The following BMPR1B variants were observed in gnomAD, a reference collection of about 807,000 sequenced individuals.
BMPR1B encodes bone morphogenetic protein receptor type-1B.
BMPR1B carries 12 observed loss-of-function variants against 59.1 expected under a neutral mutation model. That is an observed-to-expected ratio of 0.20 (90% CI 0.13 to 0.33). The LOEUF (loss-of-function observed/expected upper bound fraction) is 0.33, where lower values mean the gene tolerates loss of function less well. BMPR1B is among the 10% of genes least tolerant of loss of function. BMPR1B has a pLI of 1.00. For missense variants in BMPR1B, 550 were observed against 610.9 expected, an observed-to-expected ratio of 0.90 and a Z score of 1.05; for synonymous variants, 237 against 207.3, an observed-to-expected ratio of 1.14 and a Z score of -1.23.
chr4:94,954,574 G>A (rs573365679), intron 2 of BMPR1B, among the ~76,000 whole-genome samples: 3 of 152,196 alleles, frequency 2.0e-5, no homozygotes, highest in Admixed American at 6.5e-5. Flanking sequence ...AAAGAGACTA[G>A]TTAAGCATAA....
chr4:94,982,911 G>A (rs1005683387), intron 2 of BMPR1B, among the ~76,000 whole-genome samples: 1 of 152,034 alleles, frequency 6.6e-6, no homozygotes, highest in Non-Finnish European at 1.5e-5. Context: ...CATGAACCCG[G>A]GAGGCGGAGA....
At chr4:95,109,482 G>A (rs936987681) in intron 4 of BMPR1B, among the ~76,000 whole-genome samples, 13 of 152,182 alleles carry the variant, frequency 8.5e-5, no homozygotes, top group South Asian at 2.1e-4. Context: ...GCTCCTGACC[G>A]TAGGTCTCAG....
intron 1 of BMPR1B, among the ~76,000 whole-genome samples, chr4:94,875,265 T>G (rs1726675241): frequency 1.3e-5 from 2 of 152,204 alleles, no homozygotes; most frequent in African/African-American, 4.8e-5. Flanking sequence ...GTTAGAACTT[T>G]GAGGTGTTCT....
At chr4:95,132,486 A>T (rs760161648) in intron 10 of BMPR1B, among the ~76,000 whole-genome samples, 9 of 152,138 alleles carry the variant, frequency 5.9e-5, no homozygotes, top group African/African-American at 1.9e-4. Flanking sequence ...GGTCTTCACC[A>T]TGTAAAGGAT....
intron 1 of BMPR1B, among the ~76,000 whole-genome samples, chr4:94,790,812 CTT>C (rs1314665893): frequency 1.3e-5 from 2 of 152,070 alleles, no homozygotes; most frequent in African/African-American, 2.4e-5. Context: ...TTTTTTACCT[CTT>C]GTTATTTTTA....
chr4:95,049,211 TA>T (rs1266839817), intron 3 of BMPR1B, among the ~76,000 whole-genome samples: 1 of 151,890 alleles, frequency 6.6e-6, no homozygotes, highest in Admixed American at 6.6e-5. Context: ...ACTCCTGGCC[TA>T]AAAAAATCCT....
chr4:94,887,383 C>T (rs1727215382), intron 2 of BMPR1B, among the ~76,000 whole-genome samples: 1 of 141,224 alleles, frequency 7.1e-6, no homozygotes, highest in Admixed American at 7.1e-5. Context: ...GGAAATACCA[C>T]CTTCACCCCC....
intron 3 of BMPR1B, chr4:95,051,700 A>G (rs576978706): frequency 8.0e-5 from 123 of 1,535,568 alleles, no homozygotes; most frequent in Middle Eastern, 1.7e-4. Flanking sequence ...TGCTGCTGCA[A>G]TGGGTTGGCT....
At chr4:94,772,414 A>G (rs1201401016) in intron 1 of BMPR1B, among the ~76,000 whole-genome samples, 4 of 152,206 alleles carry the variant, frequency 2.6e-5, no homozygotes, top group African/African-American at 4.8e-5. Flanking sequence ...GATTAAACAC[A>G]TATTTTACAT....
chr4:94,895,493 T>C (rs1727551615), intron 2 of BMPR1B, among the ~76,000 whole-genome samples: 1 of 151,952 alleles, frequency 6.6e-6, no homozygotes, highest in Non-Finnish European at 1.5e-5. Context: ...GCACTTCAGC[T>C]CTGTTGTTAA....
chr4:95,028,305 A>G (rs1459819196), intron 3 of BMPR1B, among the ~76,000 whole-genome samples: 3 of 152,200 alleles, frequency 2.0e-5, no homozygotes, highest in Non-Finnish European at 4.4e-5. Flanking sequence ...CAAAAGCCCT[A>G]TGTGAACTGT....
chr4:94,863,416 C>A (rs1022199521), intron 1 of BMPR1B, among the ~76,000 whole-genome samples: 2 of 152,128 alleles, frequency 1.3e-5, no homozygotes, highest in Non-Finnish European at 2.9e-5. Flanking sequence ...GTATATCAGT[C>A]GAGGGTAGTC....
intron 10 of BMPR1B, among the ~76,000 whole-genome samples, chr4:95,144,255 A>G (rs1379849800): frequency 2.6e-5 from 4 of 151,970 alleles, no homozygotes; most frequent in South Asian, 2.1e-4. Flanking sequence ...GCTCACTGCA[A>G]CCTCTGCCTC....
chr4:95,023,112 A>G (rs1165991577), intron 3 of BMPR1B, among the ~76,000 whole-genome samples: 2 of 152,154 alleles, frequency 1.3e-5, no homozygotes, highest in Non-Finnish European at 2.9e-5. Context: ...TCCCATTTCC[A>G]GTGTAAAGCC....
chr4:95,152,934 T>C (rs1351742722), intron 12 of BMPR1B, among the ~76,000 whole-genome samples, 161 bp downstream of exon 12: 1 of 152,220 alleles, frequency 6.6e-6, no homozygotes, highest in Non-Finnish European at 1.5e-5. Flanking sequence ...TGTAGTATGT[T>C]AAATTACTTG....
chr4:95,155,730 GAAAA>G lies in BMPR1B; in HGVS notation c.*1060_*1063del, dbSNP rs754434665. On this transcript the variant is annotated 3_prime_UTR_variant, in exon 13 of 13. Coordinates refer to ENST00000515059, the MANE Select transcript of BMPR1B (RefSeq NM_001203.3). ...AAGGAGCCAATCTCAGAAGCACAAAGAAAAAAGTGTGCATACCTTATTTTGTACA... is the reference window on the plus strand; with the variant it reads ...AAGGAGCCAATCTCAGAAGCACAAAGAAGTGTGCATACCTTATTTTGTACA... The G allele has an allele frequency of 1.3e-5, 2 of 151,788 alleles. No individual in the cohort carries two copies. The highest frequency in any genetic ancestry group is 2.9e-5 in the Non-Finnish European group (2 of 67,942). 9.4% of individuals were successfully genotyped at this position (151,788 alleles called of 1,614,324 possible). A position where few individuals can be genotyped will look rare whatever the true frequency, so the allele number is the denominator to read the frequency against.
At chr4:94,858,772 T>A (rs1725867741) in intron 1 of BMPR1B, among the ~76,000 whole-genome samples, 2 of 152,196 alleles carry the variant, frequency 1.3e-5, no homozygotes, top group African/African-American at 4.8e-5. Context: ...TGTGTGCATG[T>A]GTATGTGTGT....
chr4:95,077,846 A>C (rs1458767445), intron 3 of BMPR1B, among the ~76,000 whole-genome samples: 31 of 152,236 alleles, frequency 2.0e-4, no homozygotes, highest in Admixed American at 1.8e-3. Context: ...ATGTAATGCA[A>C]ATATAGAATA....
intron 3 of BMPR1B, among the ~76,000 whole-genome samples, chr4:95,041,611 C>CTTT (rs71583682): frequency 6.9e-6 from 1 of 145,478 alleles, no homozygotes. Context: ...ACTGAATGGA[C>CTTT]TTTTTTTTTT....
Sources: allele counts gnomAD v4.1 joint callset (sites outside exome capture counted in the v4.1 genomes callset), GRCh38; gene constraint gnomAD v4.1.1; transcripts MANE v1.5; gene names NCBI Gene and HGNC (gene_info 2026-07-23, HGNC 2026-07-21).